The following WDR18 variants were observed in gnomAD, a reference collection of about 807,000 sequenced individuals.
WDR18 encodes WD repeat domain 18.
WDR18 carries 33 observed loss-of-function variants against 49.6 expected under a neutral mutation model. That is an observed-to-expected ratio of 0.67 (90% confidence interval 0.50 to 0.89). The LOEUF (loss-of-function observed/expected upper bound fraction) is 0.89. WDR18 is among the 40% of genes least tolerant of loss of function. The pLI is 0.00. For synonymous variants in WDR18, 315 were observed against 263.6 expected (o/e 1.19, Z -1.89); for missense variants, 653 against 593.6 (o/e 1.10, Z -1.04).
At chr19:984,178 G>A (rs1311888782), upstream of WDR18, 2 of 676,220 alleles carry the variant, frequency 3.0e-6, no homozygotes, top group Non-Finnish European at 4.6e-6. Context: ...CGCGACCCTC[G>A]AGTCTCAGGT....
At position 990,330 on chromosome 19, in the gene WDR18, G is replaced by C; in HGVS notation, c.563G>C (p.Arg188Pro). Residue 188 changes from arginine to proline, a missense_variant, in exon 4 of 10, where the codon CGG (arginine) becomes CCG (proline). Arg to Pro is a moderately radical substitution (Grantham distance 103). Coordinates refer to ENST00000585809, the MANE Select transcript of WDR18 (RefSeq NM_024100.4). ...LHCGFGGPLA[R>P]VATSSLDQTV... Reference sequence around the variant, plus strand: ...TGCGGCTTTGGGGGCCCCCTGGCCCGGGTGGCCACCTCCTCACTGGACCAG... The same window carrying C: ...TGCGGCTTTGGGGGCCCCCTGGCCCCGGTGGCCACCTCCTCACTGGACCAG... 6.3e-7 allele frequency: 1 copy of C among 1,590,984 alleles called. No homozygotes were observed. The highest frequency in any genetic ancestry group is 8.5e-7 in the Non-Finnish European group (1 of 1,175,464).
chr19:989,981 G>C (rs2038522490), intron 3 of WDR18, 86 bp downstream of exon 3: 1 of 1,516,924 alleles, frequency 6.6e-7, no homozygotes, highest in Admixed American at 2.1e-5. Context: ...CTGGCGGGAA[G>C]GGGCTTCTCT....
At chr19:990,067 C>T in intron 3 of WDR18, 156 bp from the exon 4 acceptor site, 1 of 1,390,802 alleles carries the variant, frequency 7.2e-7, no homozygotes, top group South Asian at 1.5e-5. Context: ...CTGGTTTGTT[C>T]TGGGGGCCGT....
At position 991,230 on chromosome 19, in the gene WDR18, C is replaced by G. The variant is rs1340035618; in HGVS notation, c.810C>G (p.Asn270Lys). The change falls in exon 7 of 10, where the codon AAC (asparagine) becomes AAG (lysine). Residue 270 changes from asparagine (N) to lysine (K), a missense_variant. Physicochemically the swap from Asn to Lys is moderately conservative, Grantham distance 94. Coordinates refer to ENST00000585809, the MANE Select transcript of WDR18 (RefSeq NM_024100.4). ...TGACCCCTGTCTGTCTGTCCAGGAA[C>G]CAGGTGACTTGCCTGTCAGTGTCCA... ...DAGKVFKGHRNQVTCLSVSTD... is the reference protein window; with the variant it reads ...DAGKVFKGHRKQVTCLSVSTD... The G allele has an allele frequency of 6.4e-7, 1 of 1,573,382 alleles. No individual in the cohort carries two copies. Among genetic ancestry groups the G allele is most frequent in the East Asian group, 2.3e-5 (1 of 42,734 alleles).
At position 984,554 on chromosome 19, in the gene WDR18, C is replaced by A; in HGVS notation, c.201C>A (p.Leu67=). 1 of 1,490,516 alleles carries A rather than the reference C, an allele frequency of 6.7e-7. No individual in the cohort carries two copies. The highest frequency in any genetic ancestry group is 8.9e-7 in the Non-Finnish European group (1 of 1,118,634). The allele number at this position is 1,490,516 out of a possible 1,614,324, so 92.3% of individuals were successfully genotyped here. ...LGKNYISAWE[L]QRKDQLQQKI... The stretch of plus-strand genomic sequence containing the variant: ...AGAATTACATCAGCGCCTGGGAGCT[C>A]CAGCGGAAGGTGCGGCGGTGCGGTC... Residue 67 remains leucine (L), a synonymous_variant, in exon 1 of 10, where the codon CTC becomes CTA. Transcript: ENST00000585809.
At chr19:987,001 A>G (rs1205768076) in intron 2 of WDR18, among the ~76,000 whole-genome samples, 2 of 152,156 alleles carry the variant, frequency 1.3e-5, no homozygotes, top group African/African-American at 4.8e-5. Flanking sequence ...TGGGCTGCTC[A>G]GAGAACTGAG....
intron 1 of WDR18, among the ~76,000 whole-genome samples, chr19:984,901 ATGT>A (rs922709060): frequency 1.1e-4 from 17 of 151,956 alleles, no homozygotes; most frequent in African/African-American, 3.9e-4. Flanking sequence ...AGCTCTGTGG[ATGT>A]TGTGGTTCTG....
At chr19:988,691 C>T (rs1290119697) in intron 2 of WDR18, among the ~76,000 whole-genome samples, 1 of 152,168 alleles carries the variant, frequency 6.6e-6, no homozygotes, top group Admixed American at 6.5e-5. Flanking sequence ...CCCCTGGAGG[C>T]CCTGGGAGGA....
chr19:991,313 T>C lies in WDR18; in HGVS notation c.893T>C (p.Val298Ala). Reference sequence around the variant, plus strand: ...GACGAGACCGTGCGCCTCTGGGACGTGCAGAGCAAGCAGTGCATCCGGACG... The same window carrying C: ...GACGAGACCGTGCGCCTCTGGGACGCGCAGAGCAAGCAGTGCATCCGGACG... The part of the protein sequence containing the change: ...SHDETVRLWD[V>A]QSKQCIRTVA... Residue 298 changes from valine to alanine, a missense_variant, in exon 7 of 10, where the codon GTG becomes GCG. By Grantham distance (64) the Val-to-Ala change is moderately conservative. Transcript: ENST00000585809. 6.4e-7 allele frequency: 1 copy of C among 1,559,232 alleles called. No homozygotes were observed. Among genetic ancestry groups the C allele is most frequent in the Non-Finnish European group, 8.7e-7 (1 of 1,152,138 alleles).
chr19:984,681 T>A, intron 1 of WDR18, 118 bp downstream of exon 1: 2 of 1,066,804 alleles, frequency 1.9e-6, no homozygotes, highest in Non-Finnish European at 2.5e-6. Flanking sequence ...GGGGAGGTGG[T>A]CTCCGTTCGG....
chr19:992,091 C>T lies in WDR18; in HGVS notation c.1068C>T (p.Gly356=), dbSNP rs1320897485. The change falls in exon 8 of 10, where the codon GGC becomes GGT. Residue 356 remains glycine, a synonymous_variant. Coordinates refer to ENST00000585809, the MANE Select transcript of WDR18 (RefSeq NM_024100.4). The part of the protein sequence containing the change: ...AEHGDEPRHG[G]LTLRLGLHQQ... ...ACGGGGACGAGCCGCGCCACGGGGG[C>T]CTCACTCTGCGCCTGGGCCTCCACC... is the stretch of plus-strand genomic sequence containing the variant. 6.5e-7 allele frequency: 1 copy of T among 1,534,048 alleles called. No homozygotes were observed. Among genetic ancestry groups the T allele is most frequent in the South Asian group, 1.2e-5 (1 of 81,566 alleles).
chr19:992,173 G>A (rs2145514430), intron 8 of WDR18, 52 bp downstream of exon 8: 4 of 1,398,406 alleles, frequency 2.9e-6, no homozygotes, highest in Non-Finnish European at 2.8e-6. Flanking sequence ...GGAAGACCCC[G>A]CGGGCCCTGG....
At chr19:990,690 T>C in intron 4 of WDR18, 162 bp from the exon 5 acceptor site, 1 of 1,101,262 alleles carries the variant, frequency 9.1e-7, no homozygotes, top group Non-Finnish European at 1.2e-6. Flanking sequence ...ACAGGCCATG[T>C]CCCCTGGCCC....
intron 8 of WDR18, 98 bp from the exon 9 acceptor site, chr19:993,922 T>G: frequency 7.2e-7 from 1 of 1,387,972 alleles, no homozygotes; most frequent in Non-Finnish European, 9.9e-7. Context: ...GGCCCCTCCC[T>G]GGCTGAGTGG....
chr19:984,781 G>C (rs548082491), intron 1 of WDR18, among the ~76,000 whole-genome samples: 2 of 151,844 alleles, frequency 1.3e-5, no homozygotes, highest in Admixed American at 6.6e-5. Context: ...TCAGGCCTGA[G>C]CTGCTATGGG....
In WDR18 at chr19:991,064, C is replaced by G. The variant is rs144069035; in HGVS notation, c.742-17C>G. The stretch of plus-strand genomic sequence containing the variant: ...GGGCATCGGGCCTGCGGCTCACACA[C>G]GTCTCGGCCTTCGCAGCCCGGACAG... On this transcript the variant is annotated splice_polypyrimidine_tract_variant and intron_variant, in intron 5 of 9. Coordinates refer to ENST00000585809, the MANE Select transcript of WDR18 (RefSeq NM_024100.4). 3.1e-6 allele frequency: 5 copies of G among 1,603,106 alleles called. No individual in the cohort carries two copies. Among genetic ancestry groups the G allele is most frequent in the Admixed American group, 1.7e-5 (1 of 59,196 alleles).
At chr19:987,877 C>G (rs2038493254) in intron 2 of WDR18, among the ~76,000 whole-genome samples, 1 of 132,182 alleles carries the variant, frequency 7.6e-6, no homozygotes, top group Admixed American at 7.9e-5. Context: ...CTCTGTTGCC[C>G]GGGCTGGAGT....
Position 991,089 on chromosome 19 carries a change from G to A in WDR18, c.750G>A (p.Gln250=). The A allele has an allele frequency of 6.2e-7, 1 of 1,601,750 alleles. No homozygotes were observed. The highest frequency in any genetic ancestry group is 8.5e-7 in the Non-Finnish European group (1 of 1,174,638). The change falls in exon 6 of 10, where the codon CAG becomes CAA. Residue 250 remains glutamine (Q), a synonymous_variant. Coordinates refer to ENST00000585809, the MANE Select transcript of WDR18 (RefSeq NM_024100.4). The part of the protein sequence containing the change: ...FQVDLFTWPG[Q]RERSFHPEQD... ...CGTCTCGGCCTTCGCAGCCCGGACA[G>A]AGGGAGAGGAGCTTCCACCCAGAGC...
At chr19:983,119 G>T (rs2038435440), upstream of WDR18, among the ~76,000 whole-genome samples, 5 of 152,172 alleles carry the variant, frequency 3.3e-5, no homozygotes, top group Non-Finnish European at 7.3e-5. Context: ...CCTTTTTAAG[G>T]GGTTGGCAAC....
Sources: allele counts gnomAD v4.1 joint callset (sites outside exome capture counted in the v4.1 genomes callset), GRCh38; gene constraint gnomAD v4.1.1; transcripts MANE v1.5; gene names NCBI Gene and HGNC (gene_info 2026-07-23, HGNC 2026-07-21).